PPHLN1: variants seen among roughly 807,000 people sequenced by gnomAD.
The protein encoded by PPHLN1 is periphilin-1.
In PPHLN1, 29 loss-of-function variants were observed where a neutral mutation model predicts 51.3. That is an observed-to-expected ratio of 0.57 (90% CI 0.42 to 0.77). The LOEUF is 0.77. PPHLN1 is among the 30% of genes least tolerant of loss of function. The pLI is 0.00. For missense variants in PPHLN1, 436 were observed against 438.4 expected, an observed-to-expected ratio of 0.99 and a Z score of 0.05; for synonymous variants, 147 against 147.8, an observed-to-expected ratio of 0.99 and a Z score of 0.04.
chr12:42,411,923 A>AAAAC (rs1424836657), intron 9 of PPHLN1, among the ~76,000 whole-genome samples: 1 of 116,532 alleles, frequency 8.6e-6, no homozygotes, highest in Non-Finnish European at 1.8e-5. Context: ...AAAAAAAAAA[A>AAAAC]GGGCTGGGCG....
downstream of PPHLN1, chr12:42,442,916 A>C: frequency 9.7e-7 from 1 of 1,033,356 alleles, no homozygotes; most frequent in Non-Finnish European, 1.3e-6. Flanking sequence ...ACCCAGTGCA[A>C]ACTGTTGTTT....
At chr12:42,361,946 A>C (rs1592396829) in intron 4 of PPHLN1, among the ~76,000 whole-genome samples, 1 of 152,304 alleles carries the variant, frequency 6.6e-6, no homozygotes. Flanking sequence ...TTTTTGAGGA[A>C]CCATCAAGCC....
chr12:42,381,639 A>G (rs2076766471), intron 5 of PPHLN1, among the ~76,000 whole-genome samples: 1 of 152,004 alleles, frequency 6.6e-6, no homozygotes, highest in African/African-American at 2.4e-5. Flanking sequence ...ACATGAGAAC[A>G]TTTTTCTTGT....
intron 7 of PPHLN1, among the ~76,000 whole-genome samples, chr12:42,389,114 C>G (rs561796957): frequency 6.6e-6 from 1 of 151,314 alleles, no homozygotes; most frequent in Non-Finnish European, 1.5e-5. Context: ...GGCTCATGTC[C>G]GTAATCCTAG....
At chr12:42,437,504 A>T (rs1209258668) in intron 9 of PPHLN1, among the ~76,000 whole-genome samples, 1 of 152,136 alleles carries the variant, frequency 6.6e-6, no homozygotes, top group Non-Finnish European at 1.5e-5. Context: ...TTGTGTGATT[A>T]TTTTTGGGAA....
At position 42,335,378 on chromosome 12, in the gene PPHLN1, T is replaced by A. The variant is rs549861719; in HGVS notation, c.-20-505T>A. 1.7e-4 allele frequency among the ~76,000 whole-genome samples: 26 copies of A among 152,296 alleles called. No individual in the cohort carries two copies. The South Asian group carries it at 5.2e-3, about 30-fold the overall frequency. On this transcript the variant is annotated intron_variant, in intron 1 of 9. Coordinates refer to ENST00000358314, the MANE Select transcript of PPHLN1 (RefSeq NM_201439.2). Reference sequence around the variant, plus strand: ...GTGTGTTTTTGCAGGATTGTTCTTTTAACACTTTTTTCAGTTAAAAACACA... The same window carrying A: ...GTGTGTTTTTGCAGGATTGTTCTTTAAACACTTTTTTCAGTTAAAAACACA...
intron 3 of PPHLN1, 135 bp from the exon 4 acceptor site, chr12:42,355,026 T>C (rs2073871721): frequency 5.6e-6 from 4 of 716,598 alleles, no homozygotes; most frequent in Non-Finnish European, 9.8e-6. Flanking sequence ...AATGGATGAC[T>C]TGCTGAATGT....
chr12:42,368,313 C>T (rs775233226), intron 4 of PPHLN1, among the ~76,000 whole-genome samples: 5 of 151,862 alleles, frequency 3.3e-5, no homozygotes, highest in Admixed American at 6.6e-5. Context: ...TCATGATATG[C>T]GTTATAATAA....
At chr12:42,360,142 C>T in intron 4 of PPHLN1, among the ~76,000 whole-genome samples, 1 of 141,650 alleles carries the variant, frequency 7.1e-6, no homozygotes, top group Non-Finnish European at 1.5e-5. Flanking sequence ...GCAAGAATAA[C>T]TGAAAACTCC....
chr12:42,395,428 A>G (rs987807100), intron 8 of PPHLN1, among the ~76,000 whole-genome samples: 1 of 152,164 alleles, frequency 6.6e-6, no homozygotes, highest in Non-Finnish European at 1.5e-5. Flanking sequence ...CGTACTGGAA[A>G]TCATTTGGGA....
intron 9 of PPHLN1, among the ~76,000 whole-genome samples, chr12:42,404,039 T>C (rs909458621): frequency 5.9e-5 from 9 of 152,144 alleles, no homozygotes; most frequent in African/African-American, 2.2e-4. Context: ...CCTCTTTTTT[T>C]TTTTTCTTTT....
chr12:42,363,660 G>C (rs1040071547), intron 4 of PPHLN1, among the ~76,000 whole-genome samples: 1 of 151,658 alleles, frequency 6.6e-6, no homozygotes, highest in Admixed American at 6.6e-5. Context: ...GCCCTGCCCC[G>C]CTCTGAAAGT....
chr12:42,420,356 T>A (rs1361392967), intron 9 of PPHLN1, among the ~76,000 whole-genome samples: 3 of 152,154 alleles, frequency 2.0e-5, no homozygotes, highest in Non-Finnish European at 4.4e-5. Context: ...ATAAATAGGT[T>A]TTTAGACATT....
intron 1 of PPHLN1, chr12:42,331,732 G>A (rs1183153578): frequency 6.6e-6 from 1 of 152,182 alleles, no homozygotes; most frequent in Non-Finnish European, 1.5e-5. Context: ...GTGATGTAGA[G>A]GGTCCTTCTA....
intron 2 of PPHLN1, among the ~76,000 whole-genome samples, chr12:42,338,818 G>A (rs1318268304): frequency 6.6e-6 from 1 of 152,206 alleles, no homozygotes; most frequent in African/African-American, 2.4e-5. Flanking sequence ...CTCTTTGGGT[G>A]TGATGTGGAC....
intron 4 of PPHLN1, 44 bp from the exon 5 acceptor site, chr12:42,374,819 A>T: frequency 6.9e-7 from 1 of 1,448,814 alleles, no homozygotes; most frequent in Admixed American, 2.0e-5. Flanking sequence ...TATATAGAGG[A>T]TAGAGTATAA....
At chr12:42,348,097 A>G (rs2072639956) in intron 2 of PPHLN1, among the ~76,000 whole-genome samples, 1 of 151,856 alleles carries the variant, frequency 6.6e-6, no homozygotes, top group South Asian at 2.1e-4. Flanking sequence ...TGCTGATTAA[A>G]CAGCTTTTAT....
chr12:42,411,125 G>A (rs1565969916), intron 9 of PPHLN1, among the ~76,000 whole-genome samples: 1 of 151,410 alleles, frequency 6.6e-6, no homozygotes, highest in African/African-American at 2.4e-5. Context: ...AAATTAGGTC[G>A]ATTTTTTTTT....
At chr12:42,396,602 G>A (rs1248975096) in intron 8 of PPHLN1, among the ~76,000 whole-genome samples, 1 of 113,446 alleles carries the variant, frequency 8.8e-6, no homozygotes, top group Non-Finnish European at 1.7e-5. Context: ...AATGTAGTAA[G>A]GTCTTGTCAC....
Sources: allele counts gnomAD v4.1 joint callset (sites outside exome capture counted in the v4.1 genomes callset), GRCh38; gene constraint gnomAD v4.1.1; transcripts MANE v1.5; gene names NCBI Gene and HGNC (gene_info 2026-07-23, HGNC 2026-07-21).